Variants in LRRC7 observed in about 807,000 individuals in gnomAD.
The protein encoded by LRRC7 is leucine rich repeat containing 7, also known as leucine-rich repeat-containing protein 7.
A neutral mutation model predicts 175.7 loss-of-function variants in LRRC7; 23 were observed. The ratio of observed to expected loss-of-function variants is 0.13; its 90% CI spans 0.09 to 0.19. The LOEUF (loss-of-function observed/expected upper bound fraction) is 0.19, where lower values mean the gene tolerates loss of function less well. Among genes scored for constraint, LRRC7 ranks in the 10% least tolerant of loss-of-function variants. The pLI is 1.00. For missense variants in LRRC7, 1,354 were observed against 1,904.7 expected, an observed-to-expected ratio of 0.71 and a Z score of 5.38; for synonymous variants, 685 against 680.9, an observed-to-expected ratio of 1.01 and a Z score of -0.09.
intron 1 of LRRC7, among the ~76,000 whole-genome samples, chr1:69,577,478 G>A (rs1287175464): frequency 2.6e-5 from 4 of 152,190 alleles, no homozygotes; most frequent in Non-Finnish European, 4.4e-5. Flanking sequence ...GAATGGTATT[G>A]CCTAGGTTTT....
At chr1:69,644,473 T>G (rs960520002) in intron 1 of LRRC7, among the ~76,000 whole-genome samples, 1 of 152,082 alleles carries the variant, frequency 6.6e-6, no homozygotes, top group Non-Finnish European at 1.5e-5. Context: ...GTAGCCTCAC[T>G]AACTTTCATA....
intron 4 of LRRC7, among the ~76,000 whole-genome samples, chr1:69,822,500 T>C (rs1277741197): frequency 6.6e-6 from 1 of 152,174 alleles, no homozygotes; most frequent in Non-Finnish European, 1.5e-5. Context: ...TGAACATTGG[T>C]TGCTGACAGT....
chr1:69,901,501 G>A (rs941960915), intron 7 of LRRC7, among the ~76,000 whole-genome samples: 3 of 152,042 alleles, frequency 2.0e-5, no homozygotes, highest in African/African-American at 7.2e-5. Flanking sequence ...GCTAACAGTT[G>A]TTCTCCATTC....
At chr1:69,690,105 A>G (rs968857115) in intron 2 of LRRC7, among the ~76,000 whole-genome samples, 1 of 152,198 alleles carries the variant, frequency 6.6e-6, no homozygotes, top group Non-Finnish European at 1.5e-5. Flanking sequence ...TGGAAGGTCC[A>G]TAGCTTTGCT....
intron 1 of LRRC7, among the ~76,000 whole-genome samples, chr1:69,603,758 T>C (rs1159552188): frequency 2.6e-5 from 4 of 152,140 alleles, no homozygotes; most frequent in Non-Finnish European, 5.9e-5. Context: ...GTAATAACTC[T>C]TTGATAACCT....
intron 2 of LRRC7, among the ~76,000 whole-genome samples, chr1:69,740,989 TAATA>T (rs1272808709): frequency 1.3e-5 from 2 of 151,924 alleles, no homozygotes; most frequent in African/African-American, 4.8e-5. Flanking sequence ...TATATGTAAA[TAATA>T]AATAACGAAT....
intron 7 of LRRC7, chr1:69,873,782 T>C (rs1317916889): frequency 6.4e-6 from 1 of 156,678 alleles, no homozygotes; most frequent in Non-Finnish European, 1.4e-5. Context: ...TGTGTTCAGT[T>C]GCCATAACTT....
chr1:69,794,266 T>C (rs1218591134), intron 4 of LRRC7, among the ~76,000 whole-genome samples: 1 of 150,998 alleles, frequency 6.6e-6, no homozygotes, highest in Non-Finnish European at 1.5e-5. Context: ...AAAACATGTT[T>C]CCTGAAGATT....
Position 70,090,536 on chromosome 1 carries a change from A to C in LRRC7, c.4545+717A>C, listed in dbSNP as rs190072424. ...TTTTATTTTTTAAATGTTTACCTGG[A>C]GCTATAGAACCTGCCCTGCTACCAT... is the stretch of plus-strand genomic sequence containing the variant. On this transcript the variant is annotated intron_variant, in intron 25 of 26. Coordinates refer to ENST00000651989, the MANE Select transcript of LRRC7 (RefSeq NM_001370785.2). Among the ~76,000 whole-genome samples, 406 of 152,116 alleles carry C rather than the reference A, an allele frequency of 2.7e-3. 2 individuals carry two copies. The highest frequency in any genetic ancestry group is 4.1e-3 in the Non-Finnish European group (278 of 68,002).
At chr1:70,000,370 T>C (rs1235928105) in intron 11 of LRRC7, among the ~76,000 whole-genome samples, 1 of 152,222 alleles carries the variant, frequency 6.6e-6, no homozygotes, top group African/African-American at 2.4e-5. Context: ...TCTTATAGTT[T>C]TGTAGCCTAA....
intron 2 of LRRC7, among the ~76,000 whole-genome samples, chr1:69,688,896 A>G (rs1473028781): frequency 6.6e-6 from 1 of 152,148 alleles, no homozygotes; most frequent in Admixed American, 6.5e-5. Context: ...TCAACACTAT[A>G]TCTCATATTT....
At chr1:69,679,635 C>A (rs1557590354) in intron 2 of LRRC7, among the ~76,000 whole-genome samples, 1 of 152,044 alleles carries the variant, frequency 6.6e-6, no homozygotes. Context: ...CCAACTCTTG[C>A]ATAAAAGTAT....
At chr1:70,008,797 A>C (rs1482280831) in intron 11 of LRRC7, among the ~76,000 whole-genome samples, 2 of 152,144 alleles carry the variant, frequency 1.3e-5, no homozygotes, top group African/African-American at 4.8e-5. Flanking sequence ...AAGGCAACAC[A>C]TGTTTTGCTG....
At chr1:69,839,117 C>T in intron 7 of LRRC7, 1 of 237,000 alleles carries the variant, frequency 4.2e-6, no homozygotes, top group Non-Finnish European at 8.8e-6. Context: ...TTAGATTCAT[C>T]TGCTGAACCA....
chr1:69,863,000 T>C lies in LRRC7; in HGVS notation c.647+24717T>C, dbSNP rs974506396. The stretch of plus-strand genomic sequence containing the variant: ...TGCCTTAAAGTCAAGAGTTTCAGTA[T>C]TGAATTCATCATTTACATCACTATC... On this transcript the variant is annotated intron_variant, in intron 7 of 26. Transcript: ENST00000651989. Among the ~76,000 whole-genome samples, 8 of 152,328 alleles carry C rather than the reference T, an allele frequency of 5.3e-5. No homozygotes were observed. In the South Asian group the frequency reaches 1.2e-3, roughly 24 times the overall value.
intron 1 of LRRC7, 27 bp downstream of exon 1, chr1:69,568,668 C>A: frequency 7.6e-7 from 1 of 1,309,234 alleles, no homozygotes; most frequent in Non-Finnish European, 1.0e-6. Flanking sequence ...CGCTCCGTGG[C>A]GGAGGGTGCT....
chr1:69,861,623 G>A (rs1363025961), intron 7 of LRRC7, among the ~76,000 whole-genome samples: 2 of 152,108 alleles, frequency 1.3e-5, no homozygotes, highest in Non-Finnish European at 2.9e-5. Flanking sequence ...CATCCAAGGA[G>A]GTAGAAAATC....
At chr1:69,637,666 T>C (rs1434423742) in intron 1 of LRRC7, among the ~76,000 whole-genome samples, 1 of 151,982 alleles carries the variant, frequency 6.6e-6, no homozygotes, top group East Asian at 1.9e-4. Context: ...CTTTCTTTTC[T>C]TTCATGACTA....
intron 3 of LRRC7, among the ~76,000 whole-genome samples, chr1:69,781,788 AG>A (rs1239405919): frequency 0.08 from 1,612 of 20,224 alleles, 106 homozygotes; most frequent in South Asian, 0.17. Context: ...AAAGAAAGAA[AG>A]GAAGGAAGGA....
Sources: gnomAD v4.1 joint callset for allele counts (sites outside exome capture counted in the v4.1 genomes callset) on GRCh38, gnomAD v4.1.1 for gene constraint, MANE v1.5 for transcripts, NCBI Gene and HGNC (gene_info 2026-07-23, HGNC 2026-07-21) for gene names.